Variants in WWOX observed in about 807,000 individuals in gnomAD.
WWOX encodes the protein WW domain-containing oxidoreductase.
In WWOX, 69 loss-of-function variants were observed where a neutral mutation model predicts 46.2. The ratio of observed to expected loss-of-function variants is 1.49; its 90% confidence interval spans 1.23 to 1.82. The LOEUF is 1.82. Ranked by LOEUF, WWOX falls within the 40% of genes most tolerant of loss-of-function variation. The pLI, the probability that WWOX is intolerant of heterozygous loss-of-function variation, is 0.00. For synonymous variants in WWOX, 359 were observed against 202.6 expected (o/e 1.77, Z -6.56); for missense variants, 919 against 542.6 (o/e 1.69, Z -6.89).
intron 8 of WWOX, among the ~76,000 whole-genome samples, chr16:79,072,150 G>C (rs901753797): frequency 6.6e-6 from 1 of 152,114 alleles, no homozygotes; most frequent in Non-Finnish European, 1.5e-5. Context: ...GTTAGGCATG[G>C]TAGAGTGTGC....
intron 8 of WWOX, among the ~76,000 whole-genome samples, chr16:78,546,554 T>C (rs1374455642): frequency 2.6e-5 from 4 of 152,232 alleles, no homozygotes; most frequent in Non-Finnish European, 5.9e-5. Context: ...TTATATTGTT[T>C]GTTGAAATAA....
At chr16:78,403,185 A>G (rs12102946) in intron 6 of WWOX, among the ~76,000 whole-genome samples, 6,843 of 152,296 alleles carry the variant, frequency 0.045, 483 homozygotes, top group African/African-American at 0.16. Flanking sequence ...GTGCTTAAGC[A>G]CATTCCCCAA....
chr16:78,949,578 C>G (rs2046017139), intron 8 of WWOX, among the ~76,000 whole-genome samples: 1 of 152,218 alleles, frequency 6.6e-6, no homozygotes, highest in African/African-American at 2.4e-5. Flanking sequence ...TGCTGTATGT[C>G]ATGCTGTACT....
chr16:78,771,756 A>G (rs773551343), intron 8 of WWOX, among the ~76,000 whole-genome samples: 37 of 148,178 alleles, frequency 2.5e-4, no homozygotes, highest in Non-Finnish European at 4.9e-4. Context: ...TGGGCAACAG[A>G]GTAAGACTCT....
intron 8 of WWOX, chr16:79,016,694 A>T (rs1249333607): frequency 6.6e-6 from 1 of 152,114 alleles, no homozygotes; most frequent in Non-Finnish European, 1.5e-5. Context: ...AAGTGCTGGG[A>T]TTACATGCAT....
chr16:78,585,123 G>A (rs901265277), intron 8 of WWOX, among the ~76,000 whole-genome samples: 2 of 152,180 alleles, frequency 1.3e-5, no homozygotes, highest in African/African-American at 2.4e-5. Context: ...AGCCATGTCC[G>A]TGTGAACTAA....
At chr16:78,835,036 A>G (rs1228920489) in intron 8 of WWOX, among the ~76,000 whole-genome samples, 1 of 152,128 alleles carries the variant, frequency 6.6e-6, no homozygotes, top group Non-Finnish European at 1.5e-5. Flanking sequence ...CAAATTTTTA[A>G]AGGGGTTTGG....
Position 78,651,430 on chromosome 16 carries a change from A to C in WWOX, c.1056+218678A>C, listed in dbSNP as rs142936869. Among the ~76,000 whole-genome samples the C allele has an allele frequency of 2.4e-3, 362 of 152,344 alleles. 9 individuals are homozygous for C. The highest frequency in any genetic ancestry group is 0.02 in the Admixed American group (310 of 15,304). Reference sequence around the variant, plus strand: ...AGTGTTTTACTCTGGCAGGAGAACAAGTCCCCTGGAGGTCAGAAGCCATGC... The same window carrying C: ...AGTGTTTTACTCTGGCAGGAGAACACGTCCCCTGGAGGTCAGAAGCCATGC... On this transcript the variant is annotated intron_variant, in intron 8 of 8. Transcript: ENST00000566780.
chr16:79,076,553 C>T (rs1358608844), intron 8 of WWOX, among the ~76,000 whole-genome samples: 3 of 152,208 alleles, frequency 2.0e-5, no homozygotes, highest in East Asian at 1.9e-4. Flanking sequence ...GCTAACTCTC[C>T]GATGAGCTCT....
intron 6 of WWOX, among the ~76,000 whole-genome samples, chr16:78,395,856 G>A (rs1015560788): frequency 5.9e-5 from 9 of 151,770 alleles, no homozygotes; most frequent in Non-Finnish European, 7.4e-5. Context: ...GTTTTCTTTC[G>A]GAGTAAATGC....
intron 8 of WWOX, among the ~76,000 whole-genome samples, chr16:78,636,411 A>C: frequency 6.6e-6 from 1 of 152,314 alleles, no homozygotes; most frequent in East Asian, 1.9e-4. Flanking sequence ...AGATTACAGT[A>C]GAGGCATCCA....
At chr16:78,407,873 A>G (rs2082585958) in intron 6 of WWOX, among the ~76,000 whole-genome samples, 1 of 152,236 alleles carries the variant, frequency 6.6e-6, no homozygotes, top group Admixed American at 6.5e-5. Flanking sequence ...GACATTGATT[A>G]CTGTCTACTG....
At chr16:78,329,936 A>C (rs777096247) in intron 5 of WWOX, among the ~76,000 whole-genome samples, 5 of 151,898 alleles carry the variant, frequency 3.3e-5, no homozygotes, top group Non-Finnish European at 7.4e-5. Flanking sequence ...TGTAGAGACA[A>C]GTTCTTGCTA....
intron 8 of WWOX, among the ~76,000 whole-genome samples, chr16:78,717,154 A>G (rs2048583580): frequency 6.6e-6 from 1 of 152,196 alleles, no homozygotes; most frequent in Admixed American, 6.5e-5. Flanking sequence ...GTGTAAATCT[A>G]GTCTGTCTCC....
At chr16:78,908,555 A>G (rs1464230813) in intron 8 of WWOX, among the ~76,000 whole-genome samples, 1 of 146,846 alleles carries the variant, frequency 6.8e-6, no homozygotes, top group Non-Finnish European at 1.5e-5. Flanking sequence ...AAAAAAAAAG[A>G]GTTTAATTCA....
At chr16:78,898,602 T>G (rs961163048) in intron 8 of WWOX, 5 of 152,184 alleles carry the variant, frequency 3.3e-5, no homozygotes, top group African/African-American at 7.2e-5. Flanking sequence ...TTAGATACTT[T>G]CCTTTTACAT....
intron 5 of WWOX, among the ~76,000 whole-genome samples, chr16:78,222,397 G>T (rs933466692): frequency 7.9e-5 from 12 of 151,806 alleles, no homozygotes; most frequent in Non-Finnish European, 1.8e-4. Flanking sequence ...ACAGAACTTG[G>T]GACAACCTGT....
At chr16:78,542,505 C>G (rs1038186727) in intron 8 of WWOX, among the ~76,000 whole-genome samples, 2 of 152,134 alleles carry the variant, frequency 1.3e-5, no homozygotes, top group African/African-American at 4.8e-5. Context: ...GAGCAAACCA[C>G]ATTGCTTACT....
chr16:78,953,401 A>G (rs532265314), intron 8 of WWOX, among the ~76,000 whole-genome samples: 3 of 152,192 alleles, frequency 2.0e-5, no homozygotes, highest in Non-Finnish European at 2.9e-5. Flanking sequence ...TTGCAAACAC[A>G]AAATTCAAAC....
Sources: gnomAD v4.1 joint callset for allele counts (sites outside exome capture counted in the v4.1 genomes callset) on GRCh38, gnomAD v4.1.1 for gene constraint, MANE v1.5 for transcripts, NCBI Gene and HGNC (gene_info 2026-07-23, HGNC 2026-07-21) for gene names.